Variants in FBN3 observed in about 807,000 individuals in gnomAD.
FBN3 encodes the protein fibrillin-3.
In FBN3, 234 loss-of-function variants were observed where a neutral mutation model predicts 330.1. The ratio of observed to expected loss-of-function variants is 0.71; its 90% confidence interval spans 0.64 to 0.79. FBN3 has a LOEUF of 0.79. Ranked by LOEUF, FBN3 falls within the 30% of genes least tolerant of loss-of-function variation. The pLI is 0.00. For missense variants in FBN3, 3,606 were observed against 3,886.9 expected, an observed-to-expected ratio of 0.93 and a Z score of 1.92; for synonymous variants, 1,458 against 1,517.3, an observed-to-expected ratio of 0.96 and a Z score of 0.91.
In FBN3 at chr19:8,125,879, C is replaced by T. The variant is rs369355592; in HGVS notation, c.2731+13G>A. ...AACGTGTGGCCCTGTATGCGGACCT[C>T]GCCTGGACTCACCCACGCACAGCCG... On this transcript the variant is annotated intron_variant, in intron 22 of 63. Transcript: ENST00000600128. 95 of 1,607,588 alleles carry T rather than the reference C, an allele frequency of 5.9e-5. No homozygotes were observed. The highest frequency in any genetic ancestry group is 4.3e-4 in the African/African-American group (32 of 74,544).
rs1015976772 is a variant in FBN3, at chr19:8,108,219, G to C, written c.4638C>G (p.Cys1546Trp). The C allele has an allele frequency of 1.9e-6, 3 of 1,612,936 alleles. No homozygotes were observed. The highest frequency in any genetic ancestry group is 1.7e-6 in the Non-Finnish European group (2 of 1,179,514). The part of the protein sequence containing the change: ...MANTTEYRTL[C>W]PGGEGFQPNR... Reference sequence around the variant, plus strand: ...TAGGCTGGAAGCCCTCACCACCCGGGCACAGGGTTCTGTACTCAGCTGTAA... The same window carrying C: ...TAGGCTGGAAGCCCTCACCACCCGGCCACAGGGTTCTGTACTCAGCTGTAA... The change falls in exon 37 of 64, where the codon TGC becomes TGG. Residue 1546 changes from cysteine to tryptophan, a missense_variant. Physicochemically the swap from Cys to Trp is radical, Grantham distance 215. Transcript: ENST00000600128.
rs569108461 is a variant in FBN3, at chr19:8,065,826, A to G, written c.*93T>C. ...TCACTCTTCCTGAGTTTCGGGGTTCAATCTGGTCAGCCATCGCTTCTGGGG... is the reference window on the plus strand; with the variant it reads ...TCACTCTTCCTGAGTTTCGGGGTTCGATCTGGTCAGCCATCGCTTCTGGGG... On this transcript the variant is annotated 3_prime_UTR_variant, in exon 64 of 64. Coordinates refer to ENST00000600128, the MANE Select transcript of FBN3 (RefSeq NM_032447.5). 5.6e-6 allele frequency: 6 copies of G among 1,079,624 alleles called. No homozygotes were observed. The African/African-American group carries it at 6.3e-5, about 11-fold the overall frequency. The allele number at this position is 1,079,624 out of a possible 1,614,324, so 66.9% of individuals were successfully genotyped here.
chr19:8,115,495 AC>A lies in FBN3; in HGVS notation c.3838+19del, dbSNP rs763004239. 6.2e-7 allele frequency: 1 copy of A among 1,612,622 alleles called. No individual in the cohort carries two copies. Among genetic ancestry groups the A allele is most frequent in the East Asian group, 2.2e-5 (1 of 44,862 alleles). On this transcript the variant is annotated intron_variant, in intron 30 of 63. Coordinates refer to ENST00000600128, the MANE Select transcript of FBN3 (RefSeq NM_032447.5). ...GCCCCGGGGAGTCCCCTCTGCCTGC[AC>A]CGCTGACCGCCGGCTCACCAGAGCA...
chr19:8,141,645 G>T (rs2083417394), intron 8 of FBN3, 72 bp downstream of exon 8: 1 of 1,526,850 alleles, frequency 6.5e-7, no homozygotes, highest in African/African-American at 1.4e-5. Context: ...CTGCCTTCCT[G>T]CAGGGGAGCC....
At position 8,147,405 on chromosome 19, in the gene FBN3, T is replaced by C. The variant is rs1462165917; in HGVS notation, c.76A>G (p.Met26Val). 3 of 1,597,062 alleles carry C rather than the reference T, an allele frequency of 1.9e-6. No homozygotes were observed. Among genetic ancestry groups the C allele is most frequent in the African/African-American group, 1.3e-5 (1 of 74,710 alleles). The change falls in exon 2 of 64, where the codon ATG (methionine) becomes GTG (valine). Residue 26 changes from methionine (M) to valine (V), a missense_variant. Transcript: ENST00000600128. ...TCCCAGCGGCCTTGGCCACCTGCCA[T>C]GCACAACAGGGCCGACCAGGCCAGC... ...LLLAWSALLC[M>V]AGGQGRWDGA... is the part of the protein sequence containing the mutation.
chr19:8,128,076 T>C (rs1231736422), intron 18 of FBN3, among the ~76,000 whole-genome samples: 1 of 152,152 alleles, frequency 6.6e-6, no homozygotes, highest in East Asian at 1.9e-4. Flanking sequence ...CGGTGCAGGG[T>C]ATCTGGGAGG....
chr19:8,106,849 T>C (rs2082449486), intron 37 of FBN3, among the ~76,000 whole-genome samples: 1 of 150,254 alleles, frequency 6.7e-6, no homozygotes, highest in African/African-American at 2.5e-5. Context: ...AATGGGTGGA[T>C]GGATGAGTGG....
At chr19:8,146,304 CG>C (rs2083545205) in intron 3 of FBN3, 79 bp from the exon 4 acceptor site, 1 of 1,207,908 alleles carries the variant, frequency 8.3e-7, no homozygotes, top group Non-Finnish European at 1.2e-6. Context: ...CCGGGCTGGC[CG>C]GAACACCTCA....
intron 21 of FBN3, 90 bp downstream of exon 21, chr19:8,126,206 CG>C: frequency 6.8e-7 from 1 of 1,463,874 alleles, no homozygotes; most frequent in Non-Finnish European, 9.4e-7. Context: ...GACTCCAGGG[CG>C]GGGCCGGAGG....
chr19:8,140,975 G>A lies in FBN3; in HGVS notation c.865+742C>T, dbSNP rs569436599. ...TGGGAGGCCGAGGCGGGCGGATCAC[G>A]AGGTCAGGAGATCGAGACCATCCTG... On this transcript the variant is annotated intron_variant, in intron 8 of 63. Transcript: ENST00000600128. 5.4e-3 allele frequency among the ~76,000 whole-genome samples: 815 copies of A among 151,650 alleles called. 7 individuals carry two copies. The highest frequency in any genetic ancestry group is 0.019 in the African/African-American group (775 of 41,358).
intron 62 of FBN3, 97 bp downstream of exon 62, chr19:8,072,966 C>CGTGTGT (rs60155490): frequency 0.15 from 95,571 of 627,520 alleles, 3,486 homozygotes; most frequent in Admixed American, 0.24. Flanking sequence ...CACAAAGCCC[C>CGTGTGT]GTGTGTGTGT....
At position 8,073,144 on chromosome 19, in the gene FBN3, C is replaced by T; in HGVS notation, c.7856G>A (p.Gly2619Asp). 1.2e-6 allele frequency: 2 copies of T among 1,613,842 alleles called. No individual in the cohort carries two copies. Among genetic ancestry groups the T allele is most frequent in the Non-Finnish European group, 1.7e-6 (2 of 1,179,966 alleles). ...QEVDECAGRR[G>D]PCSYSCANTP... Reference sequence around the variant, plus strand: ...GTTGGCACAGCTGTAGCTACAGGGGCCACGCCGTCCGGCGCACTCATCCAC... The same window carrying T: ...GTTGGCACAGCTGTAGCTACAGGGGTCACGCCGTCCGGCGCACTCATCCAC... Residue 2619 changes from glycine to aspartate, a missense_variant, in exon 62 of 64, where the codon GGC (glycine) becomes GAC (aspartate). Coordinates refer to ENST00000600128, the MANE Select transcript of FBN3 (RefSeq NM_032447.5).
chr19:8,072,107 TGCATTCGTA>T lies in FBN3; in HGVS notation c.8020_8028del (p.Tyr2674_Cys2676del). 6.2e-7 allele frequency: 1 copy of T among 1,612,362 alleles called. No homozygotes were observed. The highest frequency in any genetic ancestry group is 8.5e-7 in the Non-Finnish European group (1 of 1,179,536). On this transcript the variant is annotated inframe_deletion, in exon 63 of 64. Coordinates refer to ENST00000600128, the MANE Select transcript of FBN3 (RefSeq NM_032447.5). Reference sequence around the variant, plus strand: ...TCCCGAGGGGAGAGGCCATTGATCTTGCATTCGTAGCAGGCTTCAGACGAGAGCAGCTCC... The same window carrying T: ...TCCCGAGGGGAGAGGCCATTGATCTTGCAGGCTTCAGACGAGAGCAGCTCC...
Position 8,126,320 on chromosome 19 carries a change from C to A in FBN3, c.2582G>T (p.Arg861Leu). 2 of 1,590,022 alleles carry A rather than the reference C, an allele frequency of 1.3e-6. No individual in the cohort carries two copies. Among genetic ancestry groups the A allele is most frequent in the Non-Finnish European group, 8.5e-7 (1 of 1,170,162 alleles). The change falls in exon 21 of 64, where the codon CGG (arginine) becomes CTG (leucine). Residue 861 changes from arginine (R) to leucine (L), a missense_variant. Physicochemically the swap from Arg to Leu is moderately radical, Grantham distance 102. Transcript: ENST00000600128. ...ACCATCGCAGGTGACACCCGTCATC[C>A]GGGCAAAGCCCCGGGCACAGGCAGG... ...IDPACARGFARMTGVTCDDVN... is the reference protein window; with the variant it reads ...IDPACARGFALMTGVTCDDVN...
At chr19:8,108,370 C>T (rs2082495542) in intron 36 of FBN3, 132 bp from the exon 37 acceptor site, 6 of 665,454 alleles carry the variant, frequency 9.0e-6, no homozygotes, top group Admixed American at 3.4e-5. Context: ...TAACGACATC[C>T]CCATATCTCT....
chr19:8,091,841 G>A (rs535521224), intron 47 of FBN3, among the ~76,000 whole-genome samples: 1 of 152,308 alleles, frequency 6.6e-6, no homozygotes, highest in Admixed American at 6.5e-5. Context: ...GACTGAAACT[G>A]CACATAGTAC....
intron 24 of FBN3, among the ~76,000 whole-genome samples, chr19:8,122,363 AT>A (rs1457743249): frequency 6.6e-6 from 1 of 150,858 alleles, no homozygotes; most frequent in African/African-American, 2.4e-5. Context: ...TTTATGTTTT[AT>A]TTACTTATTT....
rs201628585 is a variant in FBN3, at chr19:8,096,896, C to G, written c.5398G>C (p.Gly1800Arg). The G allele has an allele frequency of 4.6e-5, 74 of 1,613,560 alleles. No homozygotes were observed. In the East Asian group the frequency reaches 1.4e-3, roughly 30 times the overall value. The change falls in exon 43 of 64, where the codon GGC becomes CGC. Residue 1800 changes from glycine to arginine, a missense_variant. Transcript: ENST00000600128. The surrounding 1 kb of genome is among the most constrained non-coding windows in gnomAD (Gnocchi z 4.6). ...CCCTGCTCACCCACACAAGCCCCGC[C>G]TGGCGACAGTTTGTACCCTCGGGTG... ...KCTRGYKLSPGGACVGRNECR... is the reference protein window; with the variant it reads ...KCTRGYKLSPRGACVGRNECR...
chr19:8,129,744 G>C lies in FBN3; in HGVS notation c.2045-379C>G, dbSNP rs192467765. 2.0e-5 allele frequency among the ~76,000 whole-genome samples: 3 copies of C among 152,188 alleles called. No individual in the cohort carries two copies. The highest frequency in any genetic ancestry group is 7.2e-5 in the African/African-American group (3 of 41,514). ...AAATAGTGGAGCAGACATCCATACA[G>C]TGGCACTGTCATAAAAATAAAAGCA... On this transcript the variant is annotated intron_variant, in intron 16 of 63. Transcript: ENST00000600128. This position sits in a 1 kb window ranked among gnomAD's most constrained non-coding sequence, Gnocchi z 4.5.
Sources: gnomAD v4.1 joint callset for allele counts (sites outside exome capture counted in the v4.1 genomes callset) on GRCh38, gnomAD v4.1.1 for gene constraint, Gnocchi (gnomAD v3.1) non-coding constraint, MANE v1.5 for transcripts, NCBI Gene and HGNC (gene_info 2026-07-23, HGNC 2026-07-21) for gene names.